The following SYT16 variants were observed in gnomAD, a reference collection of about 807,000 sequenced individuals.
The protein encoded by SYT16 is synaptotagmin-16.
A neutral mutation model predicts 61.4 loss-of-function variants in SYT16; 42 were observed. The observed-to-expected ratio is 0.68, with a 90% CI of 0.53 to 0.89. The LOEUF (loss-of-function observed/expected upper bound fraction) is 0.89. SYT16 is among the 40% of genes least tolerant of loss of function. SYT16 has a pLI of 0.00. For missense variants in SYT16, 804 were observed against 807.3 expected (o/e 1.00, Z 0.05); for synonymous variants, 314 against 302.3 (o/e 1.04, Z -0.40).
intron 6 of SYT16, among the ~76,000 whole-genome samples, chr14:62,082,686 A>G (rs1016304292): frequency 6.6e-6 from 1 of 152,222 alleles, no homozygotes; most frequent in Non-Finnish European, 1.5e-5. Context: ...CACATCGGAA[A>G]TGATGGAAAA....
chr14:61,925,089 C>T (rs1177315667), intron 1 of SYT16, among the ~76,000 whole-genome samples: 2 of 152,210 alleles, frequency 1.3e-5, no homozygotes, highest in Non-Finnish European at 2.9e-5. Context: ...TTGGCACAGC[C>T]ATTGGCATAG....
chr14:61,906,122 A>G (rs1214049479), intron 1 of SYT16, among the ~76,000 whole-genome samples: 2 of 152,196 alleles, frequency 1.3e-5, no homozygotes, highest in African/African-American at 4.8e-5. Context: ...TTCCCTAACT[A>G]ACAAAGAAGT....
At chr14:62,048,601 C>T (rs2055112794) in intron 3 of SYT16, among the ~76,000 whole-genome samples, 1 of 152,194 alleles carries the variant, frequency 6.6e-6, no homozygotes, top group African/African-American at 2.4e-5. Flanking sequence ...CCTGCTTTCT[C>T]TTGTGGGCAT....
intron 3 of SYT16, among the ~76,000 whole-genome samples, chr14:62,000,375 C>T (rs2052961847): frequency 1.3e-5 from 2 of 151,670 alleles, no homozygotes; most frequent in African/African-American, 2.4e-5. Flanking sequence ...GATATTAATA[C>T]AGCTGCTCCA....
chr14:62,009,087 T>C (rs2053340879), intron 3 of SYT16, among the ~76,000 whole-genome samples: 1 of 152,176 alleles, frequency 6.6e-6, no homozygotes, highest in South Asian at 2.1e-4. Context: ...ATGGTTCATA[T>C]TGGCTTCTTC....
At chr14:62,024,997 A>G (rs2054046851) in intron 3 of SYT16, among the ~76,000 whole-genome samples, 2 of 152,060 alleles carry the variant, frequency 1.3e-5, no homozygotes, top group Non-Finnish European at 2.9e-5. Flanking sequence ...ATAATATTCC[A>G]TTATCTAGAT....
At chr14:61,870,513 CT>C in intron 1 of SYT16, among the ~76,000 whole-genome samples, 1 of 151,762 alleles carries the variant, frequency 6.6e-6, no homozygotes, top group Middle Eastern at 3.4e-3. Flanking sequence ...TTATAATTTT[CT>C]TCATATTGGT....
intron 1 of SYT16, among the ~76,000 whole-genome samples, chr14:61,948,784 G>A (rs976260885): frequency 1.3e-5 from 2 of 152,216 alleles, no homozygotes; most frequent in Admixed American, 6.5e-5. Flanking sequence ...AAAACTTTGT[G>A]AGGTGAGTAG....
At chr14:61,948,623 A>C (rs577584925) in intron 1 of SYT16, among the ~76,000 whole-genome samples, 3 of 152,310 alleles carry the variant, frequency 2.0e-5, no homozygotes, top group Admixed American at 2.0e-4. Flanking sequence ...CCTGCAGGAC[A>C]TCCTGGTAGA....
At chr14:62,095,125 A>G (rs1239513295) in intron 7 of SYT16, among the ~76,000 whole-genome samples, 1 of 152,054 alleles carries the variant, frequency 6.6e-6, no homozygotes, top group Non-Finnish European at 1.5e-5. Flanking sequence ...CGTAGTAAAT[A>G]TCAATAACTA....
At chr14:62,013,627 C>T (rs2053551734) in intron 3 of SYT16, among the ~76,000 whole-genome samples, 1 of 152,160 alleles carries the variant, frequency 6.6e-6, no homozygotes, top group Admixed American at 6.5e-5. Context: ...CAGTCTTCCT[C>T]CCCACCTCCT....
intron 2 of SYT16, among the ~76,000 whole-genome samples, chr14:61,993,205 T>A (rs538650914): frequency 2.5e-4 from 37 of 150,946 alleles, no homozygotes; most frequent in African/African-American, 9.0e-4. Flanking sequence ...AAAGTGGGAG[T>A]TGAACAGTGA....
chr14:62,059,006 T>TG (rs1566807483), intron 3 of SYT16, among the ~76,000 whole-genome samples: 1 of 151,932 alleles, frequency 6.6e-6, no homozygotes, highest in East Asian at 1.9e-4. Context: ...CACTTATAAG[T>TG]GGGAGCTAAA....
At chr14:61,999,471 T>G (rs1274237799) in intron 3 of SYT16, among the ~76,000 whole-genome samples, 1 of 151,800 alleles carries the variant, frequency 6.6e-6, no homozygotes, top group Non-Finnish European at 1.5e-5. Flanking sequence ...TTCCTGATAT[T>G]GGTACTTTTT....
chr14:62,036,876 T>C (rs531364349), intron 3 of SYT16, among the ~76,000 whole-genome samples: 17 of 152,122 alleles, frequency 1.1e-4, no homozygotes, highest in Non-Finnish European at 2.1e-4. Flanking sequence ...ACTGAGCAAG[T>C]GCTCACAGTA....
At chr14:61,967,216 A>G (rs537618339) in intron 1 of SYT16, among the ~76,000 whole-genome samples, 1 of 152,338 alleles carries the variant, frequency 6.6e-6, no homozygotes, top group Non-Finnish European at 1.5e-5. Flanking sequence ...ACACAGCAAC[A>G]AGAAAGAGTT....
intron 2 of SYT16, among the ~76,000 whole-genome samples, chr14:61,987,889 C>A (rs1424318162): frequency 1.3e-5 from 2 of 152,004 alleles, no homozygotes; most frequent in African/African-American, 2.4e-5. Context: ...TTAGTTCCAT[C>A]ATTTTTGGCC....
At chr14:61,843,573 A>G (rs1302801109) in intron 1 of SYT16, among the ~76,000 whole-genome samples, 2 of 152,140 alleles carry the variant, frequency 1.3e-5, no homozygotes, top group Admixed American at 1.3e-4. Context: ...TTTTGATTAG[A>G]TTTTTGTAAA....
At chr14:61,823,769 CAG>C (rs917076940) in intron 1 of SYT16, among the ~76,000 whole-genome samples, 2 of 152,082 alleles carry the variant, frequency 1.3e-5, no homozygotes, top group African/African-American at 4.8e-5. Context: ...AAACAACAAA[CAG>C]AATGTGATAG....
Sources: gnomAD v4.1 joint callset for allele counts (sites outside exome capture counted in the v4.1 genomes callset) on GRCh38, gnomAD v4.1.1 for gene constraint, MANE v1.5 for transcripts, NCBI Gene and HGNC (gene_info 2026-07-23, HGNC 2026-07-21) for gene names.